Variants in LRMDA observed in about 807,000 individuals in gnomAD.
LRMDA encodes the protein leucine-rich melanocyte differentiation-associated protein.
LRMDA carries 18 observed loss-of-function variants against 29.8 expected under a neutral mutation model. The observed-to-expected ratio is 0.60, with a 90% CI of 0.42 to 0.90. The LOEUF (loss-of-function observed/expected upper bound fraction) is 0.90. LRMDA is among the 40% of genes least tolerant of loss of function. The pLI is 0.00. For missense variants in LRMDA, 273 were observed against 273.9 expected (o/e 1.00, Z 0.02); for synonymous variants, 125 against 109.4 (o/e 1.14, Z -0.89).
At chr10:76,458,209 G>T (rs1309480635) in intron 6 of LRMDA, among the ~76,000 whole-genome samples, 3 of 151,546 alleles carry the variant, frequency 2.0e-5, no homozygotes, top group African/African-American at 7.3e-5. Context: ...CCATAGAGGG[G>T]AGTCACCCCT....
chr10:75,535,810 C>G (rs1453327661), intron 2 of LRMDA, among the ~76,000 whole-genome samples: 1 of 152,148 alleles, frequency 6.6e-6, no homozygotes, highest in Non-Finnish European at 1.5e-5. Flanking sequence ...GCCCCCTGCC[C>G]TGGGAGGAAC....
At chr10:76,227,015 A>G (rs1431376638) in intron 5 of LRMDA, among the ~76,000 whole-genome samples, 1 of 152,242 alleles carries the variant, frequency 6.6e-6, no homozygotes, top group East Asian at 1.9e-4. Context: ...CATATACTTT[A>G]GAAAAAAATA....
At chr10:76,045,819 G>A (rs1848429637) in intron 3 of LRMDA, among the ~76,000 whole-genome samples, 1 of 152,090 alleles carries the variant, frequency 6.6e-6, no homozygotes. Context: ...GCTATGTCGT[G>A]GTGATTGCTT....
chr10:75,498,959 G>A (rs1350745431), intron 2 of LRMDA, among the ~76,000 whole-genome samples: 4 of 152,092 alleles, frequency 2.6e-5, no homozygotes, highest in Non-Finnish European at 5.9e-5. Flanking sequence ...AAAGCAGGTG[G>A]AAAGAGGGTA....
chr10:75,970,799 C>T (rs569319885), intron 2 of LRMDA, among the ~76,000 whole-genome samples: 2 of 152,292 alleles, frequency 1.3e-5, no homozygotes, highest in South Asian at 4.1e-4. Flanking sequence ...ATCTCAGCTC[C>T]GTGTGAGCTG....
chr10:75,704,747 C>T (rs774300833), intron 2 of LRMDA, among the ~76,000 whole-genome samples: 6 of 152,262 alleles, frequency 3.9e-5, no homozygotes, highest in Middle Eastern at 3.4e-3. Context: ...ACCAGTAGCC[C>T]GAGCCAGGTG....
chr10:75,746,319 C>G (rs1157772940), intron 2 of LRMDA, among the ~76,000 whole-genome samples: 1 of 152,216 alleles, frequency 6.6e-6, no homozygotes, highest in Non-Finnish European at 1.5e-5. Context: ...ATTCTCCCTG[C>G]AAACTAGTTT....
intron 6 of LRMDA, among the ~76,000 whole-genome samples, chr10:76,374,775 A>G (rs952066095): frequency 1.3e-5 from 2 of 152,182 alleles, no homozygotes; most frequent in African/African-American, 4.8e-5. Context: ...TATGTAGCAG[A>G]GTTAATTCTG....
intron 2 of LRMDA, among the ~76,000 whole-genome samples, chr10:75,688,272 C>T (rs1454896002): frequency 6.6e-6 from 1 of 152,158 alleles, no homozygotes; most frequent in African/African-American, 2.4e-5. Context: ...ATTATAGATG[C>T]CATGAAGAAC....
chr10:75,976,255 T>A (rs1022471509), intron 2 of LRMDA, among the ~76,000 whole-genome samples: 1 of 152,258 alleles, frequency 6.6e-6, no homozygotes, highest in Non-Finnish European at 1.5e-5. Flanking sequence ...ATTCATTCGT[T>A]CATTCATCTT....
At chr10:75,569,601 A>C (rs759078195) in intron 2 of LRMDA, among the ~76,000 whole-genome samples, 15 of 152,250 alleles carry the variant, frequency 9.9e-5, no homozygotes, top group Non-Finnish European at 2.2e-4. Flanking sequence ...AATCCTTTGA[A>C]ACATTTTCCA....
At chr10:76,130,149 G>A (rs1266565369) in intron 5 of LRMDA, among the ~76,000 whole-genome samples, 1 of 146,378 alleles carries the variant, frequency 6.8e-6, no homozygotes, top group African/African-American at 2.5e-5. Context: ...CTTGACTACT[G>A]TGAATCAGTA....
chr10:75,917,309 G>A, intron 2 of LRMDA, among the ~76,000 whole-genome samples: 1 of 152,122 alleles, frequency 6.6e-6, no homozygotes, highest in East Asian at 1.9e-4. Context: ...AACCCATCCG[G>A]TGAGTTCTCC....
chr10:76,003,749 A>G (rs1193030190), intron 2 of LRMDA, among the ~76,000 whole-genome samples: 2 of 152,170 alleles, frequency 1.3e-5, no homozygotes, highest in Non-Finnish European at 2.9e-5. Flanking sequence ...ATAGTGTCTG[A>G]TAGGGGGAGG....
chr10:75,519,430 A>G (rs1845330195), intron 2 of LRMDA, among the ~76,000 whole-genome samples: 1 of 152,196 alleles, frequency 6.6e-6, no homozygotes. Context: ...TCCCTTTACC[A>G]TTATGTAATG....
intron 6 of LRMDA, among the ~76,000 whole-genome samples, chr10:76,338,515 A>G (rs960971540): frequency 4.6e-5 from 7 of 152,174 alleles, no homozygotes; most frequent in African/African-American, 1.7e-4. Context: ...CACATGGGTC[A>G]CATTGTCTGT....
At chr10:76,532,429 G>A (rs1843244562) in intron 6 of LRMDA, among the ~76,000 whole-genome samples, 1 of 152,174 alleles carries the variant, frequency 6.6e-6, no homozygotes, top group Non-Finnish European at 1.5e-5. Context: ...ATTCAGCAAA[G>A]ATTGGAACCA....
intron 5 of LRMDA, among the ~76,000 whole-genome samples, chr10:76,122,018 T>A (rs1849798716): frequency 6.6e-6 from 1 of 152,134 alleles, no homozygotes; most frequent in Non-Finnish European, 1.5e-5. Context: ...AATAAGTAGA[T>A]AAATAAATAT....
At chr10:75,909,234 A>AT (rs1564603764) in intron 2 of LRMDA, among the ~76,000 whole-genome samples, 1 of 152,292 alleles carries the variant, frequency 6.6e-6, no homozygotes, top group African/African-American at 2.4e-5. Flanking sequence ...CAAAGAAGTA[A>AT]TTTTTTTGAA....
Sources: gnomAD v4.1 joint callset for allele counts (sites outside exome capture counted in the v4.1 genomes callset) on GRCh38, gnomAD v4.1.1 for gene constraint, MANE v1.5 for transcripts, NCBI Gene and HGNC (gene_info 2026-07-23, HGNC 2026-07-21) for gene names.